The following PBX1 variants were observed in gnomAD, a reference collection of about 807,000 sequenced individuals.
PBX1 encodes the protein PBX homeobox 1.
PBX1 carries 6 observed loss-of-function variants against 53.4 expected under a neutral mutation model. That is an observed-to-expected ratio of 0.11 (90% confidence interval 0.06 to 0.22). PBX1 has a LOEUF of 0.22. Ranked by LOEUF, PBX1 falls within the 10% of genes least tolerant of loss-of-function variation. The pLI is 1.00. For synonymous variants in PBX1, 204 were observed against 212.3 expected, an observed-to-expected ratio of 0.96 and a Z score of 0.34; for missense variants, 251 against 551.4, an observed-to-expected ratio of 0.46 and a Z score of 5.46.
chr1:164,789,602 A>G (rs1474817016), intron 2 of PBX1, among the ~76,000 whole-genome samples: 1 of 152,212 alleles, frequency 6.6e-6, no homozygotes, highest in East Asian at 1.9e-4. Flanking sequence ...AGTGCTTAAC[A>G]CTAGCCCTGG....
intron 2 of PBX1, among the ~76,000 whole-genome samples, chr1:164,669,339 C>T (rs911428049): frequency 6.6e-6 from 1 of 152,108 alleles, no homozygotes; most frequent in Non-Finnish European, 1.5e-5. Flanking sequence ...TAATTACACT[C>T]GTCCACTTTC....
At chr1:164,791,081 C>T (rs895498098) in intron 2 of PBX1, among the ~76,000 whole-genome samples, 1 of 152,130 alleles carries the variant, frequency 6.6e-6, no homozygotes, top group Non-Finnish European at 1.5e-5. Context: ...TAATCACTTC[C>T]CTCTTTCCCA....
chr1:164,820,643 C>T (rs953550407), intron 7 of PBX1, among the ~76,000 whole-genome samples: 7 of 152,022 alleles, frequency 4.6e-5, no homozygotes, highest in African/African-American at 1.7e-4. Context: ...TTAAAAACAC[C>T]CAGCCAGGTT....
chr1:164,805,575 AC>A (rs561367335), intron 4 of PBX1, among the ~76,000 whole-genome samples: 22 of 152,302 alleles, frequency 1.4e-4, no homozygotes, highest in Middle Eastern at 3.4e-3. Context: ...GCTAATGCAA[AC>A]AACTGAATGA....
chr1:164,811,477 A>C (rs1669608960), intron 5 of PBX1, among the ~76,000 whole-genome samples: 1 of 152,232 alleles, frequency 6.6e-6, no homozygotes, highest in African/African-American at 2.4e-5. Flanking sequence ...CCTAAGGTCT[A>C]TAGTGAAATA....
intron 2 of PBX1, among the ~76,000 whole-genome samples, chr1:164,640,801 G>T (rs952428643): frequency 6.6e-6 from 1 of 152,046 alleles, no homozygotes; most frequent in East Asian, 1.9e-4. Flanking sequence ...CAGGCAATCC[G>T]CCTGTCTTGG....
At chr1:164,611,426 G>A (rs532392731) in intron 2 of PBX1, among the ~76,000 whole-genome samples, 49 of 152,054 alleles carry the variant, frequency 3.2e-4, no homozygotes, top group Non-Finnish European at 5.7e-4. Context: ...TTTTAGTAGA[G>A]ACGGGGTTTC....
chr1:164,811,287 A>G (rs1261985073), intron 5 of PBX1, among the ~76,000 whole-genome samples: 2 of 152,236 alleles, frequency 1.3e-5, no homozygotes, highest in East Asian at 3.8e-4. Context: ...TGCGAACCAC[A>G]TGAAGGAAAT....
chr1:164,666,896 G>A (rs937696833), intron 2 of PBX1, among the ~76,000 whole-genome samples: 9 of 152,286 alleles, frequency 5.9e-5, no homozygotes, highest in African/African-American at 1.9e-4. Flanking sequence ...CTTTAAGGCA[G>A]GCAATGATTC....
chr1:164,711,913 G>C (rs942512344), intron 2 of PBX1, among the ~76,000 whole-genome samples: 4 of 152,154 alleles, frequency 2.6e-5, no homozygotes, highest in Admixed American at 2.0e-4. Flanking sequence ...AGAGCAGGGT[G>C]GGGTGACAGG....
At chr1:164,793,739 T>C (rs368686028) in intron 3 of PBX1, among the ~76,000 whole-genome samples, 11 of 152,090 alleles carry the variant, frequency 7.2e-5, no homozygotes, top group South Asian at 6.3e-4. Context: ...TCTCTTGGGA[T>C]GCAACATTAT....
At chr1:164,788,517 G>A (rs1029878172) in intron 2 of PBX1, among the ~76,000 whole-genome samples, 2 of 151,400 alleles carry the variant, frequency 1.3e-5, no homozygotes. Context: ...GTTGTTTATT[G>A]GTCCATCCCT....
chr1:164,743,953 T>G (rs1244897688), intron 2 of PBX1, among the ~76,000 whole-genome samples: 2 of 152,186 alleles, frequency 1.3e-5, no homozygotes, highest in East Asian at 3.9e-4. Flanking sequence ...GCATATTACT[T>G]GAATAAACTG....
intron 2 of PBX1, among the ~76,000 whole-genome samples, chr1:164,661,554 G>A (rs965149008): frequency 1.3e-5 from 2 of 151,578 alleles, no homozygotes; most frequent in African/African-American, 4.8e-5. Context: ...AGCCTCCCGA[G>A]TAGCTGGGAT....
chr1:164,766,318 T>C (rs1316755797), intron 2 of PBX1, among the ~76,000 whole-genome samples: 6 of 152,234 alleles, frequency 3.9e-5, no homozygotes, highest in African/African-American at 1.4e-4. Flanking sequence ...TCATTACAGA[T>C]TTAAGAAGAG....
chr1:164,617,438 T>C (rs17386462), intron 2 of PBX1, among the ~76,000 whole-genome samples: 22,723 of 152,256 alleles, frequency 0.15, 2,071 homozygotes, highest in Middle Eastern at 0.21. Context: ...ATTATTGCCA[T>C]GTATAGTAGT....
At chr1:164,630,331 G>A (rs2996668) in intron 2 of PBX1, among the ~76,000 whole-genome samples, 86,187 of 151,820 alleles carry the variant, frequency 0.57, 24,998 homozygotes, top group East Asian at 0.93. Context: ...GGGTAAGATG[G>A]GATTTTAGGA....
At chr1:164,728,882 G>A (rs1193945046) in intron 2 of PBX1, among the ~76,000 whole-genome samples, 1 of 152,202 alleles carries the variant, frequency 6.6e-6, no homozygotes, top group African/African-American at 2.4e-5. Flanking sequence ...GTCTCTGCAT[G>A]GGTGAGAACT....
chr1:164,679,518 AG>A (rs992061217), intron 2 of PBX1, among the ~76,000 whole-genome samples: 5 of 152,220 alleles, frequency 3.3e-5, no homozygotes, highest in Non-Finnish European at 7.3e-5. Flanking sequence ...TGCTGCAAGT[AG>A]GCAGACCCCT....
Sources: gnomAD v4.1 joint callset for allele counts (sites outside exome capture counted in the v4.1 genomes callset) on GRCh38, gnomAD v4.1.1 for gene constraint, MANE v1.5 for transcripts, NCBI Gene and HGNC (gene_info 2026-07-23, HGNC 2026-07-21) for gene names.